Variants in LARP1B observed in about 807,000 individuals in gnomAD.
LARP1B encodes la-related protein 1B.
A neutral mutation model predicts 114.2 loss-of-function variants in LARP1B; 76 were observed. The ratio of observed to expected loss-of-function variants is 0.67; its 90% CI spans 0.55 to 0.81. LARP1B has a LOEUF of 0.81. Ranked by LOEUF, LARP1B falls within the 30% of genes least tolerant of loss-of-function variation. LARP1B has a pLI of 0.00. For missense variants in LARP1B, 1,014 were observed against 1,075.8 expected, an observed-to-expected ratio of 0.94 and a Z score of 0.80; for synonymous variants, 345 against 348.0, an observed-to-expected ratio of 0.99 and a Z score of 0.10.
At chr4:128,107,632 A>G (rs1416867189) in intron 9 of LARP1B, 9 of 1,411,000 alleles carry the variant, frequency 6.4e-6, no homozygotes, top group Admixed American at 6.4e-5. Flanking sequence ...TAAAATTGGA[A>G]TAGTATGATT....
intron 12 of LARP1B, among the ~76,000 whole-genome samples, chr4:128,173,777 T>C (rs1744810926): frequency 6.6e-6 from 1 of 152,216 alleles, no homozygotes; most frequent in African/African-American, 2.4e-5. Flanking sequence ...TTTGGGACTA[T>C]ACCTTGAAAA....
intron 15 of LARP1B, among the ~76,000 whole-genome samples, chr4:128,183,267 G>A (rs940740332): frequency 9.2e-5 from 14 of 152,318 alleles, no homozygotes; most frequent in East Asian, 5.8e-4. Flanking sequence ...TTAGGAAGGA[G>A]CAGTCAATGT....
chr4:128,214,259 TAAAC>T (rs1759354898), downstream of LARP1B, among the ~76,000 whole-genome samples: 1 of 147,178 alleles, frequency 6.8e-6, no homozygotes, highest in Non-Finnish European at 1.5e-5. Flanking sequence ...CTTGCTTAGG[TAAAC>T]AAAGCAGCCG....
intron 11 of LARP1B, among the ~76,000 whole-genome samples, chr4:128,141,077 G>A (rs777585423): frequency 2.0e-5 from 3 of 152,026 alleles, no homozygotes; most frequent in Non-Finnish European, 2.9e-5. Context: ...GCCTCCCAAA[G>A]TGCTGGGATT....
At chr4:128,186,214 A>ATGTCATGGGT (rs56100089) in intron 15 of LARP1B, among the ~76,000 whole-genome samples, 1 of 151,646 alleles carries the variant, frequency 6.6e-6, no homozygotes, top group South Asian at 2.1e-4. Flanking sequence ...TCTGTGAAGA[A>ATGTCATGGGT]ATTTTGATAG....
At chr4:128,127,562 G>A (rs913817837) in intron 11 of LARP1B, among the ~76,000 whole-genome samples, 2 of 152,116 alleles carry the variant, frequency 1.3e-5, no homozygotes, top group African/African-American at 2.4e-5. Context: ...GGCCGGGCAC[G>A]GTGGCTCACG....
At chr4:128,201,471 G>T (rs532862654) in intron 17 of LARP1B, among the ~76,000 whole-genome samples, 1 of 152,148 alleles carries the variant, frequency 6.6e-6, no homozygotes, top group Admixed American at 6.5e-5. Context: ...AAAAAGCAAG[G>T]CCTCTCACAA....
At chr4:128,167,569 AT>A (rs1459553933) in intron 12 of LARP1B, among the ~76,000 whole-genome samples, 1 of 151,754 alleles carries the variant, frequency 6.6e-6, no homozygotes, top group African/African-American at 2.4e-5. Flanking sequence ...CAGCTTTTTC[AT>A]TTGATGCCAT....
At chr4:128,065,376 TTTTC>T (rs1329507178) in intron 1 of LARP1B, among the ~76,000 whole-genome samples, 2 of 147,130 alleles carry the variant, frequency 1.4e-5, no homozygotes, top group Non-Finnish European at 3.0e-5. Flanking sequence ...TTTTCTTTTC[TTTTC>T]TTTCTTTTTT....
At chr4:128,069,032 C>CT in intron 1 of LARP1B, 1 of 913,430 alleles carries the variant, frequency 1.1e-6, no homozygotes. Flanking sequence ...AACGGTGGAG[C>CT]TGGAGAGTAT....
intron 12 of LARP1B, among the ~76,000 whole-genome samples, chr4:128,163,460 G>A (rs1354953898): frequency 6.6e-6 from 1 of 152,102 alleles, no homozygotes; most frequent in African/African-American, 2.4e-5. Flanking sequence ...TGATCAGTGA[G>A]TGAAGCTTTT....
intron 1 of LARP1B, among the ~76,000 whole-genome samples, chr4:128,063,766 C>T (rs1761332540): frequency 6.6e-6 from 1 of 151,282 alleles, no homozygotes; most frequent in Admixed American, 6.6e-5. Flanking sequence ...GCAACAGGAG[C>T]GAAACTCCGT....
Position 128,091,527 on chromosome 4 carries a change from G to T in LARP1B, c.668+15G>T. 1 of 1,584,704 alleles carries T rather than the reference G, an allele frequency of 6.3e-7. No individual in the cohort carries two copies. The highest frequency in any genetic ancestry group is 1.2e-5 in the South Asian group (1 of 85,370). On this transcript the variant is annotated intron_variant, in intron 7 of 19. Transcript: ENST00000326639. ...AAGCGTCAAATGTAAGTGGATGTTT[G>T]ATGTAAGCAGACGGGATAGCAAAAT...
chr4:128,070,094 G>A (rs995924035), intron 1 of LARP1B, among the ~76,000 whole-genome samples: 20 of 152,008 alleles, frequency 1.3e-4, no homozygotes, highest in African/African-American at 4.6e-4. Context: ...TGAGGTGGGC[G>A]GATCATGAGG....
intron 8 of LARP1B, among the ~76,000 whole-genome samples, chr4:128,100,416 G>A (rs1229146916): frequency 3.3e-5 from 5 of 151,988 alleles, no homozygotes; most frequent in Admixed American, 3.3e-4. Context: ...GGTACTACAG[G>A]CGCACGCCAC....
intron 11 of LARP1B, among the ~76,000 whole-genome samples, chr4:128,151,684 G>T (rs539659981): frequency 7.5e-4 from 113 of 151,640 alleles, no homozygotes; most frequent in Admixed American, 2.6e-3. Context: ...CTCACTGCAG[G>T]CTCTGCCTCC....
intron 8 of LARP1B, among the ~76,000 whole-genome samples, chr4:128,098,897 C>T (rs1330818998): frequency 6.7e-6 from 1 of 148,460 alleles, no homozygotes; most frequent in Non-Finnish European, 1.5e-5. Context: ...CCTGCCTCAG[C>T]CTTCTGAGTA....
At chr4:128,108,602 A>G (rs78937673) in intron 9 of LARP1B, 9 of 985,312 alleles carry the variant, frequency 9.1e-6, no homozygotes, top group African/African-American at 3.5e-5. Context: ...CCAGTAAGCA[A>G]CTTGGACAGG....
At position 128,199,453 on chromosome 4, in the gene LARP1B, C is replaced by T. The variant is rs1045419567; in HGVS notation, c.2018C>T (p.Ser673Leu). 3 of 1,535,752 alleles carry T rather than the reference C, an allele frequency of 2.0e-6. No individual in the cohort carries two copies. The highest frequency in any genetic ancestry group is 1.3e-5 in the South Asian group (1 of 75,006). The change falls in exon 16 of 20, where the codon TCA becomes TTA. Residue 673 changes from serine (S) to leucine (L), a missense_variant. Ser to Leu is a moderately radical substitution (Grantham distance 145). Transcript: ENST00000326639. ...TTCTCAAACAGCACTTCAAATGCTT[C>T]ACCTTCAGAAGGCGCACCACTAGCA... Reference protein sequence around the residue: ...GTSSVSTSNASPSEGAPLAGS... With the variant: ...GTSSVSTSNALPSEGAPLAGS...
Sources: gnomAD v4.1 joint callset for allele counts (sites outside exome capture counted in the v4.1 genomes callset) on GRCh38, gnomAD v4.1.1 for gene constraint, MANE v1.5 for transcripts, NCBI Gene and HGNC (gene_info 2026-07-23, HGNC 2026-07-21) for gene names.